Variants in NXPH1 observed in about 807,000 individuals in gnomAD.
The protein encoded by NXPH1 is neurexophilin 1.
Under a neutral mutation model 23.7 loss-of-function variants are expected in NXPH1, and 5 were observed. The observed-to-expected ratio is 0.21, with a 90% CI of 0.11 to 0.44. The LOEUF is 0.44. Ranked by LOEUF, NXPH1 falls within the 20% of genes least tolerant of loss-of-function variation. The pLI, the probability that NXPH1 is intolerant of heterozygous loss-of-function variation, is 0.99. For missense variants in NXPH1, 324 were observed against 321.6 expected (o/e 1.01, Z -0.06); for synonymous variants, 144 against 122.2 (o/e 1.18, Z -1.18).
intron 2 of NXPH1, among the ~76,000 whole-genome samples, chr7:8,593,505 C>G (rs907333539): frequency 2.6e-5 from 4 of 151,818 alleles, no homozygotes; most frequent in Non-Finnish European, 5.9e-5. Context: ...ATAAATTGCC[C>G]CCTAGTCTCC....
chr7:8,537,385 C>T (rs1818044688), intron 2 of NXPH1, among the ~76,000 whole-genome samples: 1 of 151,908 alleles, frequency 6.6e-6, no homozygotes, highest in Non-Finnish European at 1.5e-5. Context: ...TTTGGCATGG[C>T]TGGGAGGCAT....
intron 2 of NXPH1, among the ~76,000 whole-genome samples, chr7:8,486,784 T>C (rs1817166144): frequency 6.6e-6 from 1 of 152,174 alleles, no homozygotes; most frequent in Admixed American, 6.5e-5. Context: ...CAGTTCTCTC[T>C]ATCTGGATAG....
intron 2 of NXPH1, among the ~76,000 whole-genome samples, chr7:8,678,928 ATTTTTTTTTTTTTTTTTTTTTT>A (rs540056222): frequency 5.8e-5 from 4 of 68,762 alleles, no homozygotes; most frequent in Admixed American, 1.6e-4. Context: ...GCTTTATCCA[ATTTTTTTTTTTTTTTTTTTTTT>A]TTTTTTTTTT....
chr7:8,616,098 G>A (rs1403098130), intron 2 of NXPH1, among the ~76,000 whole-genome samples: 6 of 151,892 alleles, frequency 4.0e-5, no homozygotes, highest in South Asian at 2.1e-4. Flanking sequence ...AATAAATCTC[G>A]TAGTTCTTAT....
At chr7:8,734,504 G>A (rs1217341604) in intron 2 of NXPH1, among the ~76,000 whole-genome samples, 1 of 152,196 alleles carries the variant, frequency 6.6e-6, no homozygotes, top group South Asian at 2.1e-4. Flanking sequence ...TCCTATCCAT[G>A]AGCATGGAAT....
chr7:8,465,417 CT>C (rs1816771081), intron 2 of NXPH1, among the ~76,000 whole-genome samples: 1 of 152,144 alleles, frequency 6.6e-6, no homozygotes, highest in South Asian at 2.1e-4. Context: ...CCTCTCACCC[CT>C]GAAAGGCTTC....
intron 2 of NXPH1, among the ~76,000 whole-genome samples, chr7:8,474,494 C>T (rs571188627): frequency 2.0e-5 from 3 of 152,246 alleles, no homozygotes; most frequent in Admixed American, 6.5e-5. Flanking sequence ...TCTTCTTGGC[C>T]TTTGTCTCTA....
intron 2 of NXPH1, among the ~76,000 whole-genome samples, chr7:8,505,575 A>G (rs914544898): frequency 3.3e-5 from 5 of 152,106 alleles, no homozygotes. Context: ...ATATTAGCAA[A>G]TCTAAATCTA....
At chr7:8,438,405 A>G (rs996092056) in intron 2 of NXPH1, among the ~76,000 whole-genome samples, 4 of 152,210 alleles carry the variant, frequency 2.6e-5, no homozygotes, top group African/African-American at 9.6e-5. Context: ...TGGCAAAACC[A>G]TTATTTTAAT....
intron 2 of NXPH1, among the ~76,000 whole-genome samples, chr7:8,643,516 TA>T (rs1157200428): frequency 1.3e-5 from 2 of 152,116 alleles, no homozygotes; most frequent in East Asian, 3.8e-4. Context: ...AATCTTTTGT[TA>T]ATATGACAAT....
chr7:8,728,252 G>T (rs1446399632), intron 2 of NXPH1, among the ~76,000 whole-genome samples: 1 of 152,164 alleles, frequency 6.6e-6, no homozygotes, highest in Non-Finnish European at 1.5e-5. Flanking sequence ...AGACAATGGG[G>T]TTTCCTAGAT....
At chr7:8,473,990 C>T (rs977858153) in intron 2 of NXPH1, among the ~76,000 whole-genome samples, 1 of 152,138 alleles carries the variant, frequency 6.6e-6, no homozygotes, top group African/African-American at 2.4e-5. Flanking sequence ...GCTGGACTCA[C>T]CAGTGAGTGG....
intron 2 of NXPH1, among the ~76,000 whole-genome samples, chr7:8,722,603 C>T (rs1382636116): frequency 2.6e-5 from 4 of 152,202 alleles, no homozygotes; most frequent in Non-Finnish European, 5.9e-5. Flanking sequence ...CTCTTCCTTT[C>T]ACAAAATTAA....
At chr7:8,669,033 C>G (rs905446399) in intron 2 of NXPH1, among the ~76,000 whole-genome samples, 1 of 152,060 alleles carries the variant, frequency 6.6e-6, no homozygotes, top group Admixed American at 6.5e-5. Flanking sequence ...TCTATGAGGG[C>G]CATCCTGGAA....
intron 2 of NXPH1, among the ~76,000 whole-genome samples, chr7:8,597,171 G>A (rs1052422729): frequency 3.3e-5 from 5 of 152,076 alleles, no homozygotes; most frequent in African/African-American, 1.2e-4. Context: ...ATTTTTAAAT[G>A]GGGTGGGAGT....
intron 2 of NXPH1, among the ~76,000 whole-genome samples, chr7:8,611,108 C>T (rs73237650): frequency 2.6e-5 from 4 of 152,088 alleles, no homozygotes; most frequent in Admixed American, 2.0e-4. Context: ...CCTTTTATTT[C>T]TAGTTGCCAC....
chr7:8,577,421 G>A (rs1818775662), intron 2 of NXPH1, among the ~76,000 whole-genome samples: 1 of 152,150 alleles, frequency 6.6e-6, no homozygotes, highest in African/African-American at 2.4e-5. Flanking sequence ...GGTGATTGGG[G>A]AATATGTATG....
intron 2 of NXPH1, among the ~76,000 whole-genome samples, chr7:8,714,034 C>T (rs750847057): frequency 3.9e-5 from 6 of 152,214 alleles, no homozygotes; most frequent in Non-Finnish European, 1.5e-5. Flanking sequence ...CAAAGCCAAA[C>T]AAGGCCCTGG....
At chr7:8,479,854 A>T (rs1817043299) in intron 2 of NXPH1, among the ~76,000 whole-genome samples, 1 of 152,198 alleles carries the variant, frequency 6.6e-6, no homozygotes, top group Non-Finnish European at 1.5e-5. Flanking sequence ...TAAATGTGTG[A>T]GTAGATAACG....
Sources: allele counts gnomAD v4.1 joint callset (sites outside exome capture counted in the v4.1 genomes callset), GRCh38; gene constraint gnomAD v4.1.1; transcripts MANE v1.5; gene names NCBI Gene and HGNC (gene_info 2026-07-23, HGNC 2026-07-21).